TIAM1: variants seen among roughly 807,000 people sequenced by gnomAD.
The protein encoded by TIAM1 is rho guanine nucleotide exchange factor TIAM1.
In TIAM1, 65 loss-of-function variants were observed where a neutral mutation model predicts 163.5. The ratio of observed to expected loss-of-function variants is 0.40; its 90% CI spans 0.33 to 0.49. The LOEUF is 0.49. TIAM1 is among the 20% of genes least tolerant of loss of function. TIAM1 has a pLI of 0.77. For missense variants in TIAM1, 1,789 were observed against 2,044.7 expected, an observed-to-expected ratio of 0.87 and a Z score of 2.41; for synonymous variants, 833 against 810.1, an observed-to-expected ratio of 1.03 and a Z score of -0.48.
At chr21:31,270,324 T>C (rs1235867793) in intron 3 of TIAM1, among the ~76,000 whole-genome samples, 1 of 152,128 alleles carries the variant, frequency 6.6e-6, no homozygotes, top group Non-Finnish European at 1.5e-5. Context: ...AGAGAGAATA[T>C]TTGGGACAAG....
chr21:31,542,267 T>TA (rs1034448383), intron 1 of TIAM1, among the ~76,000 whole-genome samples: 85 of 148,436 alleles, frequency 5.7e-4, no homozygotes, highest in African/African-American at 1.5e-3. Context: ...CTACTAAAAA[T>TA]AAAAAAAAAA....
At chr21:31,285,827 C>T in intron 2 of TIAM1, among the ~76,000 whole-genome samples, 1 of 152,098 alleles carries the variant, frequency 6.6e-6, no homozygotes, top group South Asian at 2.1e-4. Flanking sequence ...CACCATTGCA[C>T]TCCAGCCTGG....
At chr21:31,312,190 G>A (rs764466294) in intron 2 of TIAM1, among the ~76,000 whole-genome samples, 4 of 152,212 alleles carry the variant, frequency 2.6e-5, no homozygotes, top group Admixed American at 6.5e-5. Context: ...CCTTGTGACA[G>A]TGTGAGTCAA....
intron 1 of TIAM1, among the ~76,000 whole-genome samples, chr21:31,478,935 G>T (rs1021750893): frequency 1.3e-5 from 2 of 152,188 alleles, no homozygotes; most frequent in African/African-American, 4.8e-5. Flanking sequence ...GAAGACTCAA[G>T]AAATATTAAG....
At chr21:31,310,717 A>T (rs1290481991) in intron 2 of TIAM1, among the ~76,000 whole-genome samples, 1 of 152,136 alleles carries the variant, frequency 6.6e-6, no homozygotes, top group Non-Finnish European at 1.5e-5. Flanking sequence ...TTCTACTACC[A>T]ATTTGGTGAC....
chr21:31,345,408 A>T (rs1175525378), upstream of TIAM1, among the ~76,000 whole-genome samples: 2 of 151,576 alleles, frequency 1.3e-5, no homozygotes, highest in African/African-American at 4.8e-5. Context: ...TTTCAGAAAC[A>T]TTTAAACTTG....
At chr21:31,129,404 C>T (rs984204267) in intron 25 of TIAM1, among the ~76,000 whole-genome samples, 2 of 152,240 alleles carry the variant, frequency 1.3e-5, no homozygotes, top group African/African-American at 4.8e-5. Context: ...TCAGGTTGGG[C>T]ATGGCAGCTC....
At chr21:31,340,187 T>C (rs754216608) in intron 1 of TIAM1, among the ~76,000 whole-genome samples, 6 of 150,770 alleles carry the variant, frequency 4.0e-5, no homozygotes, top group Non-Finnish European at 5.9e-5. Flanking sequence ...CAATACTAGA[T>C]GCATAAATAA....
At chr21:31,496,622 T>G in intron 1 of TIAM1, among the ~76,000 whole-genome samples, 1 of 152,018 alleles carries the variant, frequency 6.6e-6, no homozygotes, top group East Asian at 1.9e-4. Flanking sequence ...AAAAAAAAAT[T>G]TTTATACATT....
intron 1 of TIAM1, among the ~76,000 whole-genome samples, chr21:31,546,525 G>A (rs2048494198): frequency 7.5e-6 from 1 of 134,158 alleles, no homozygotes. Context: ...ACTCCAGCCT[G>A]GGTGACAGAG....
At chr21:31,525,851 T>C (rs1303686077) in intron 1 of TIAM1, among the ~76,000 whole-genome samples, 1 of 151,912 alleles carries the variant, frequency 6.6e-6, no homozygotes, top group Non-Finnish European at 1.5e-5. Flanking sequence ...CTGGCCAACA[T>C]GGTGAAATCC....
intron 13 of TIAM1, among the ~76,000 whole-genome samples, chr21:31,192,248 A>G (rs1288893048): frequency 6.6e-6 from 1 of 152,208 alleles, no homozygotes; most frequent in Non-Finnish European, 1.5e-5. Context: ...CTGGTGGCCT[A>G]CAGGGGAAGG....
chr21:31,389,693 C>T (rs1272781960), intron 2 of TIAM1, among the ~76,000 whole-genome samples: 2 of 152,202 alleles, frequency 1.3e-5, no homozygotes, highest in African/African-American at 4.8e-5. Context: ...TTGGATACTA[C>T]CATTTAATCT....
At chr21:31,186,002 G>A (rs2085286712) in intron 14 of TIAM1, among the ~76,000 whole-genome samples, 1 of 152,162 alleles carries the variant, frequency 6.6e-6, no homozygotes, top group South Asian at 2.1e-4. Flanking sequence ...AACGGCGAGA[G>A]GATAAATTTC....
chr21:31,176,617 A>G (rs376390019), intron 15 of TIAM1, among the ~76,000 whole-genome samples: 2 of 152,250 alleles, frequency 1.3e-5, no homozygotes, highest in Non-Finnish European at 2.9e-5. Flanking sequence ...GGAACGGGAG[A>G]ATGGAGAATG....
chr21:31,305,380 A>G (rs373959819), intron 2 of TIAM1, among the ~76,000 whole-genome samples: 211 of 152,060 alleles, frequency 1.4e-3, no homozygotes, highest in African/African-American at 4.5e-3. Flanking sequence ...GGTAGCAAAT[A>G]GATTAGGGAA....
intron 16 of TIAM1, among the ~76,000 whole-genome samples, chr21:31,158,105 C>G (rs1252167848): frequency 6.6e-6 from 1 of 152,138 alleles, no homozygotes; most frequent in African/African-American, 2.4e-5. Context: ...GTTTACCACG[C>G]CTGAGGTTTG....
At chr21:31,410,957 G>A (rs1248756753) in intron 2 of TIAM1, among the ~76,000 whole-genome samples, 2 of 152,146 alleles carry the variant, frequency 1.3e-5, no homozygotes, top group African/African-American at 2.4e-5. Flanking sequence ...GTTACAAAGA[G>A]CCCCTGAAAA....
intron 1 of TIAM1, among the ~76,000 whole-genome samples, chr21:31,494,542 C>T (rs898212184): frequency 6.6e-6 from 1 of 152,142 alleles, no homozygotes; most frequent in Middle Eastern, 3.2e-3. Context: ...GAAAAGTCAG[C>T]GTAGAAGACT....
Sources: allele counts gnomAD v4.1 joint callset (sites outside exome capture counted in the v4.1 genomes callset), GRCh38; gene constraint gnomAD v4.1.1; transcripts MANE v1.5; gene names NCBI Gene and HGNC (gene_info 2026-07-23, HGNC 2026-07-21).